Variants in NAV1 observed in about 807,000 individuals in gnomAD.
The protein encoded by NAV1 is neuron navigator 1, also known as pore membrane and/or filament interacting like protein 3.
In NAV1, 18 loss-of-function variants were observed where a neutral mutation model predicts 175.2. That is an observed-to-expected ratio of 0.10 (90% CI 0.07 to 0.15). The LOEUF (loss-of-function observed/expected upper bound fraction) is 0.15, where lower values mean the gene tolerates loss of function less well. Ranked by LOEUF, NAV1 falls within the 10% of genes least tolerant of loss-of-function variation. The probability of loss-of-function intolerance (pLI) is 1.00; values close to 1 mark genes in which losing one functional copy is unlikely to be tolerated. For synonymous variants in NAV1, 897 were observed against 978.7 expected, an observed-to-expected ratio of 0.92 and a Z score of 1.56; for missense variants, 1,731 against 2,436.6, an observed-to-expected ratio of 0.71 and a Z score of 6.10.
At chr1:201,821,704 A>T (rs976428508) in exon 30 of NAV1, 21 of 152,248 alleles carry the variant, frequency 1.4e-4, no homozygotes, top group African/African-American at 4.6e-4. Flanking sequence ...GATGTACAAT[A>T]CATTGGGGGC....
chr1:201,655,542 C>T (rs906531967), intron 1 of NAV1, among the ~76,000 whole-genome samples: 4 of 152,334 alleles, frequency 2.6e-5, no homozygotes, highest in South Asian at 2.1e-4. Context: ...CCACACCTTC[C>T]CCCACACTGC....
chr1:201,580,301 T>C (rs1245746469), intron 1 of NAV1, among the ~76,000 whole-genome samples: 3 of 152,184 alleles, frequency 2.0e-5, no homozygotes, highest in African/African-American at 7.2e-5. Context: ...TACCTGGGTA[T>C]CCGTTAATCC....
At chr1:201,712,879 G>A (rs756525741) in exon 2 of NAV1, 2 of 1,613,948 alleles carry the variant, frequency 1.2e-6, no homozygotes, top group Non-Finnish European at 1.7e-6. Flanking sequence ...GAACCTGGAA[G>A]AGACCATGTC....
chr1:201,761,587 G>GTAGAC (rs973565649), intron 3 of NAV1, among the ~76,000 whole-genome samples: 1 of 152,168 alleles, frequency 6.6e-6, no homozygotes, highest in African/African-American at 2.4e-5. Context: ...GTTTAATAAA[G>GTAGAC]TAGACTTTTA....
intron 1 of NAV1, among the ~76,000 whole-genome samples, chr1:201,692,674 G>A (rs964220783): frequency 2.0e-5 from 3 of 152,228 alleles, no homozygotes; most frequent in Admixed American, 1.3e-4. Flanking sequence ...CAAGTCAGGT[G>A]TTCACTGGGA....
At chr1:201,734,244 C>T (rs1025702632) in intron 3 of NAV1, among the ~76,000 whole-genome samples, 2 of 151,658 alleles carry the variant, frequency 1.3e-5, no homozygotes, top group African/African-American at 4.8e-5. Flanking sequence ...TCCTTCTGTA[C>T]AAAAAATTTT....
Position 201,694,261 on chromosome 1 carries a change from T to C in NAV1, c.758-18556T>C, listed in dbSNP as rs1671091764. Among the ~76,000 whole-genome samples, 1 of 152,118 alleles carries C rather than the reference T, an allele frequency of 6.6e-6. No individual in the cohort carries two copies. The highest frequency in any genetic ancestry group is 1.5e-5 in the Non-Finnish European group (1 of 68,020). On this transcript the variant is annotated intron_variant, in intron 1 of 29. Coordinates refer to ENST00000367296, the Ensembl canonical transcript of NAV1. The surrounding 1 kb of genome is among the most constrained non-coding windows in gnomAD (Gnocchi z 4.2). Reference sequence around the variant, plus strand: ...CTCCCCCAGTTGGGGTGTAGAGGCATAGGGGAAGTCAAAGCAATGGCTGGG... The same window carrying C: ...CTCCCCCAGTTGGGGTGTAGAGGCACAGGGGAAGTCAAAGCAATGGCTGGG...
chr1:201,573,172 T>C (rs537540342), intron 1 of NAV1, among the ~76,000 whole-genome samples: 51 of 152,378 alleles, frequency 3.3e-4, no homozygotes, highest in Admixed American at 8.5e-4. Context: ...ATTTACCATG[T>C]AGGCCAGACA....
chr1:201,661,977 T>C (rs1669629897), intron 1 of NAV1, among the ~76,000 whole-genome samples: 1 of 152,228 alleles, frequency 6.6e-6, no homozygotes, highest in Non-Finnish European at 1.5e-5. Flanking sequence ...ACTACTCTTA[T>C]CCCCTTTTTA....
chr1:201,699,691 T>TA (rs1180513036), intron 1 of NAV1, among the ~76,000 whole-genome samples: 5 of 152,150 alleles, frequency 3.3e-5, no homozygotes. Flanking sequence ...CTTCAAACCA[T>TA]ACTACAAGGC....
chr1:201,762,672 T>C (rs539159997), intron 3 of NAV1, among the ~76,000 whole-genome samples: 2 of 152,352 alleles, frequency 1.3e-5, no homozygotes, highest in South Asian at 2.1e-4. Flanking sequence ...CATAAATATT[T>C]ACTATCTGGC....
chr1:201,765,691 G>A (rs1490272531), intron 3 of NAV1, among the ~76,000 whole-genome samples: 6 of 152,098 alleles, frequency 3.9e-5, no homozygotes, highest in African/African-American at 9.6e-5. Flanking sequence ...CACCACACCC[G>A]GCCCAGGAAA....
intron 1 of NAV1, among the ~76,000 whole-genome samples, chr1:201,570,190 G>A (rs949997124): frequency 6.6e-6 from 1 of 152,192 alleles, no homozygotes; most frequent in Admixed American, 6.5e-5. Context: ...TCCCCACCTG[G>A]TTGGAGCCCA....
intron 2 of NAV1, among the ~76,000 whole-genome samples, chr1:201,592,488 C>T (rs1043531229): frequency 7.9e-5 from 12 of 152,182 alleles, no homozygotes; most frequent in African/African-American, 2.2e-4. Context: ...GGCAGTGCTG[C>T]GGCCCTAACC....
intron 3 of NAV1, among the ~76,000 whole-genome samples, chr1:201,768,333 G>GAAA (rs57027212): frequency 1.5e-4 from 16 of 105,672 alleles, no homozygotes; most frequent in Middle Eastern, 0.011. Flanking sequence ...CCGTCTCAGA[G>GAAA]AAAAAAAAAA....
Position 201,718,791 on chromosome 1 carries a change from T to A in NAV1, c.1226+36T>A. The A allele has an allele frequency of 1.3e-6, 2 of 1,570,586 alleles. No homozygotes were observed. The highest frequency in any genetic ancestry group is 2.4e-5 in the South Asian group (2 of 85,078). On this transcript the variant is annotated intron_variant, in intron 3 of 29. Transcript: ENST00000367296. This position sits in a 1 kb window ranked among gnomAD's most constrained non-coding sequence, Gnocchi z 4.8. Reference sequence around the variant, plus strand: ...GGGCTTCTTGGATGGCGGGGGAGGATGGTGGAAAGACCACTGGGATGCGAC... The same window carrying A: ...GGGCTTCTTGGATGGCGGGGGAGGAAGGTGGAAAGACCACTGGGATGCGAC...
chr1:201,706,689 C>CA (rs1488996840), intron 1 of NAV1, among the ~76,000 whole-genome samples: 1 of 152,256 alleles, frequency 6.6e-6, no homozygotes, highest in Non-Finnish European at 1.5e-5. Flanking sequence ...CAGCCACTCA[C>CA]AGCAGAAGCC....
At chr1:201,687,383 G>C (rs1670727091) in intron 1 of NAV1, among the ~76,000 whole-genome samples, 1 of 152,184 alleles carries the variant, frequency 6.6e-6, no homozygotes. Context: ...ATTGGTAAGA[G>C]CTTAAAGCTG....
chr1:201,622,852 G>C, upstream of NAV1: 3 of 985,994 alleles, frequency 3.0e-6, no homozygotes, highest in Non-Finnish European at 3.6e-6. Flanking sequence ...TCTCCCTGCA[G>C]GACAGTAGCC....
Sources: gnomAD v4.1 joint callset for allele counts (sites outside exome capture counted in the v4.1 genomes callset) on GRCh38, gnomAD v4.1.1 for gene constraint, Gnocchi (gnomAD v3.1) non-coding constraint, MANE v1.5 for transcripts, NCBI Gene and HGNC (gene_info 2026-07-23, HGNC 2026-07-21) for gene names.